The following CCDC149 variants were observed in gnomAD, a reference collection of about 807,000 sequenced individuals.
The protein encoded by CCDC149 is coiled-coil domain containing 149.
Under a neutral mutation model 59.9 loss-of-function variants are expected in CCDC149, and 45 were observed. The observed-to-expected ratio is 0.75, with a 90% CI of 0.59 to 0.96. The LOEUF is 0.96. Among genes scored for constraint, CCDC149 ranks in the 40% least tolerant of loss-of-function variants. The probability of loss-of-function intolerance (pLI) is 0.00; values close to 1 mark genes in which losing one functional copy is unlikely to be tolerated. For missense variants in CCDC149, 584 were observed against 664.7 expected, an observed-to-expected ratio of 0.88 and a Z score of 1.33; for synonymous variants, 245 against 260.6, an observed-to-expected ratio of 0.94 and a Z score of 0.58.
chr4:24,813,489 A>AATATATATATATCTATATAT (rs1714767212), intron 12 of CCDC149, among the ~76,000 whole-genome samples: 1 of 113,734 alleles, frequency 8.8e-6, no homozygotes, highest in African/African-American at 4.0e-5. Context: ...CAGCTTGGGG[A>AATATATATATATCTATATAT]ATATATATAT....
At chr4:24,902,958 G>A (rs1190182045) in intron 1 of CCDC149, among the ~76,000 whole-genome samples, 2 of 133,408 alleles carry the variant, frequency 1.5e-5, no homozygotes, top group East Asian at 4.8e-4. Flanking sequence ...CCAGGAAGCA[G>A]AGGTTGCAGT....
At chr4:24,846,677 A>G (rs1717308926) in intron 4 of CCDC149, among the ~76,000 whole-genome samples, 1 of 152,190 alleles carries the variant, frequency 6.6e-6, no homozygotes. Flanking sequence ...TGACAGATAA[A>G]ACAGAGGTAC....
At chr4:24,812,550 T>G (rs1714690579) in intron 12 of CCDC149, among the ~76,000 whole-genome samples, 1 of 152,298 alleles carries the variant, frequency 6.6e-6, no homozygotes, top group African/African-American at 2.4e-5. Flanking sequence ...TGTTTGCAGT[T>G]TCGGTAATGC....
intron 4 of CCDC149, among the ~76,000 whole-genome samples, chr4:24,848,290 G>T: frequency 6.6e-6 from 1 of 152,026 alleles, no homozygotes; most frequent in East Asian, 1.9e-4. Flanking sequence ...ATAATGCCTC[G>T]GCCAGGCACG....
At chr4:24,924,887 C>A (rs141495494) in intron 1 of CCDC149, among the ~76,000 whole-genome samples, 261 of 152,264 alleles carry the variant, frequency 1.7e-3, no homozygotes, top group African/African-American at 6.0e-3. Context: ...GTTGCAGTCA[C>A]CTTTGGAAAA....
At chr4:24,848,500 C>T (rs898837388) in intron 4 of CCDC149, among the ~76,000 whole-genome samples, 30 of 151,960 alleles carry the variant, frequency 2.0e-4, no homozygotes, top group African/African-American at 7.0e-4. Flanking sequence ...ACCCGGGAGG[C>T]GGAGGTTGCA....
chr4:24,876,434 T>C, intron 2 of CCDC149, 102 bp downstream of exon 2: 1 of 1,322,132 alleles, frequency 7.6e-7, no homozygotes, highest in Non-Finnish European at 1.0e-6. Context: ...CACTTTGAAC[T>C]GTTTGCATTT....
At chr4:24,914,913 G>C (rs906923181), upstream of CCDC149, among the ~76,000 whole-genome samples, 1 of 152,204 alleles carries the variant, frequency 6.6e-6, no homozygotes, top group Admixed American at 6.5e-5. Context: ...CAGTATACTA[G>C]TCAGCACATT....
At chr4:24,959,690 G>T (rs957029684) in intron 1 of CCDC149, among the ~76,000 whole-genome samples, 4 of 152,130 alleles carry the variant, frequency 2.6e-5, no homozygotes, top group Non-Finnish European at 5.9e-5. Flanking sequence ...ATGGACAGAG[G>T]ACTAAAGACA....
chr4:24,947,551 A>C (rs2109352512), intron 1 of CCDC149, among the ~76,000 whole-genome samples: 1 of 152,282 alleles, frequency 6.6e-6, no homozygotes, highest in South Asian at 2.1e-4. Flanking sequence ...ACCTACAAAA[A>C]GTCACAGATG....
chr4:24,972,362 C>G (rs1172397785), intron 1 of CCDC149, among the ~76,000 whole-genome samples: 1 of 149,520 alleles, frequency 6.7e-6, no homozygotes, highest in Non-Finnish European at 1.5e-5. Context: ...GGCTGGAGTG[C>G]AGTGGTGCCA....
At chr4:24,913,841 A>G (rs1722035929), upstream of CCDC149, among the ~76,000 whole-genome samples, 2 of 152,248 alleles carry the variant, frequency 1.3e-5, no homozygotes, top group Non-Finnish European at 1.5e-5. Flanking sequence ...GACTTCTCCT[A>G]AGAGGAAAGA....
intron 1 of CCDC149, among the ~76,000 whole-genome samples, chr4:24,935,227 G>T (rs967068107): frequency 9.2e-5 from 14 of 152,148 alleles, no homozygotes; most frequent in Non-Finnish European, 1.8e-4. Context: ...AGAAGTGAAA[G>T]AAAGCGCATA....
intron 2 of CCDC149, among the ~76,000 whole-genome samples, chr4:24,874,708 A>G (rs1719300381): frequency 1.3e-5 from 2 of 152,230 alleles, no homozygotes; most frequent in Admixed American, 1.3e-4. Flanking sequence ...CTGTCCACAT[A>G]TAAGTCAACA....
intron 4 of CCDC149, 25 bp downstream of exon 4, chr4:24,853,044 GCTT>G (rs1560218347): frequency 7.1e-7 from 1 of 1,416,894 alleles, no homozygotes; most frequent in Non-Finnish European, 1.0e-6. Flanking sequence ...TTGCAGCAGA[GCTT>G]CTTCCCTGTA....
chr4:24,902,981 T>C (rs188734716), intron 1 of CCDC149, among the ~76,000 whole-genome samples: 6 of 126,726 alleles, frequency 4.7e-5, no homozygotes, highest in Non-Finnish European at 9.3e-5. Context: ...GCCGAGACTG[T>C]GCCATTACAC....
chr4:24,864,023 C>T (rs1238078592), intron 3 of CCDC149, among the ~76,000 whole-genome samples: 1 of 152,132 alleles, frequency 6.6e-6, no homozygotes, highest in Admixed American at 6.5e-5. Context: ...GTAAAGAGTG[C>T]CTTGCTGAGA....
At chr4:24,811,544 C>A (rs1381247745) in intron 12 of CCDC149, among the ~76,000 whole-genome samples, 1 of 152,186 alleles carries the variant, frequency 6.6e-6, no homozygotes, top group Non-Finnish European at 1.5e-5. Flanking sequence ...AAAACACATT[C>A]ATTCCCTTAT....
chr4:24,975,315 G>A (rs1724132337), intron 1 of CCDC149, among the ~76,000 whole-genome samples: 1 of 149,094 alleles, frequency 6.7e-6, no homozygotes, highest in South Asian at 2.2e-4. Context: ...GAAAAGAAGG[G>A]AGGCAAGACA....
Sources: allele counts gnomAD v4.1 joint callset (sites outside exome capture counted in the v4.1 genomes callset), GRCh38; gene constraint gnomAD v4.1.1; transcripts MANE v1.5; gene names NCBI Gene and HGNC (gene_info 2026-07-23, HGNC 2026-07-21).